Variants in RUVBL2 observed in about 807,000 individuals in gnomAD.
The protein encoded by RUVBL2 is RuvB like AAA ATPase 2, also known as ruvB-like 2.
Under a neutral mutation model 57.9 loss-of-function variants are expected in RUVBL2, and 9 were observed. The ratio of observed to expected loss-of-function variants is 0.16; its 90% CI spans 0.09 to 0.27. The LOEUF is 0.27. Ranked by LOEUF, RUVBL2 falls within the 10% of genes least tolerant of loss-of-function variation. RUVBL2 has a pLI of 1.00. For synonymous variants in RUVBL2, 278 were observed against 264.6 expected (o/e 1.05, Z -0.49); for missense variants, 456 against 669.6 (o/e 0.68, Z 3.52).
chr19:49,003,461 C>T, intron 3 of RUVBL2, 127 bp downstream of exon 3: 1 of 796,512 alleles, frequency 1.3e-6, no homozygotes, highest in Non-Finnish European at 2.0e-6. Flanking sequence ...TACCCATAAA[C>T]TTCAACCACA....
intron 1 of RUVBL2, among the ~76,000 whole-genome samples, chr19:48,996,141 A>T (rs770084024): frequency 6.6e-6 from 1 of 150,940 alleles, no homozygotes; most frequent in Non-Finnish European, 1.5e-5. Flanking sequence ...ACAAAATGAG[A>T]TCTTATCTCA....
Sources: gnomAD v4.1 joint callset for allele counts (sites outside exome capture counted in the v4.1 genomes callset) on GRCh38, gnomAD v4.1.1 for gene constraint, MANE v1.5 for transcripts, NCBI Gene and HGNC (gene_info 2026-07-23, HGNC 2026-07-21) for gene names.